ZNF567: variants seen among roughly 807,000 people sequenced by gnomAD.
The protein encoded by ZNF567 is zinc finger protein 567.
Under a neutral mutation model 53.9 loss-of-function variants are expected in ZNF567, and 36 were observed. That is an observed-to-expected ratio of 0.67 (90% CI 0.51 to 0.88). ZNF567 has a LOEUF of 0.88. Ranked by LOEUF, ZNF567 falls within the 40% of genes least tolerant of loss-of-function variation. The pLI is 0.00. For missense variants in ZNF567, 619 were observed against 764.7 expected (o/e 0.81, Z 2.25); for synonymous variants, 224 against 260.4 (o/e 0.86, Z 1.35).
At chr19:36,726,957 T>C (rs1600593679), downstream of ZNF567, 1 of 151,666 alleles carries the variant, frequency 6.6e-6, no homozygotes, top group East Asian at 1.9e-4. Flanking sequence ...TCAGGTGTTT[T>C]GAGTTTCTTT....
In ZNF567 at chr19:36,690,072, G is replaced by A. The variant is rs575365334; in HGVS notation, c.-67+575G>A. Reference sequence around the variant, plus strand: ...TGCTATCTTTGGGATATCAGCTGAGGCTGAGGCAGAAATATTTCTAAGTTT... The same window carrying A: ...TGCTATCTTTGGGATATCAGCTGAGACTGAGGCAGAAATATTTCTAAGTTT... On this transcript the variant is annotated intron_variant, in intron 2 of 5. Transcript: ENST00000682579. 2.6e-5 allele frequency among the ~76,000 whole-genome samples: 4 copies of A among 152,248 alleles called. No individual in the cohort carries two copies. The East Asian group carries it at 7.7e-4, about 29-fold the overall frequency.
chr19:36,694,661 TC>T (rs771536932), intron 2 of ZNF567, 140 bp from the exon 3 acceptor site: 3 of 485,358 alleles, frequency 6.2e-6, no homozygotes, highest in Non-Finnish European at 1.1e-5. Context: ...TAGCTGGTTG[TC>T]CCATCTATAT....
Position 36,721,119 on chromosome 19 carries a change from A to G in ZNF567, c.*451A>G, listed in dbSNP as rs890842933. 1 of 152,246 alleles carries G rather than the reference A, an allele frequency of 6.6e-6. No homozygotes were observed. Among genetic ancestry groups the G allele is most frequent in the Non-Finnish European group, 1.5e-5 (1 of 68,088 alleles). 9.4% of individuals were successfully genotyped at this position (152,246 alleles called of 1,614,324 possible). On this transcript the variant is annotated 3_prime_UTR_variant, in exon 6 of 6. Transcript: ENST00000682579. Reference sequence around the variant, plus strand: ...AGTTTTTGCATGTTTTCAATTTTATAAATATATATTTTATCAGACATCATG... The same window carrying G: ...AGTTTTTGCATGTTTTCAATTTTATGAATATATATTTTATCAGACATCATG...
At chr19:36,666,951 T>G in the ZNF567 span, 1 of 152,458 alleles carries the variant, frequency 6.6e-6, no homozygotes, top group East Asian at 1.9e-4. Context: ...CACCCGAGGC[T>G]GGAGTGACGC....
downstream of ZNF567, among the ~76,000 whole-genome samples, chr19:36,721,735 TTTTTTTTTC>T (rs974704401): frequency 1.0e-5 from 1 of 97,910 alleles, no homozygotes; most frequent in South Asian, 3.1e-4. Flanking sequence ...CCAGAGTCTT[TTTTTTTTTC>T]TTTTTTTTTT....
At position 36,719,495 on chromosome 19, in the gene ZNF567, A is replaced by G; in HGVS notation, c.771A>G (p.Glu257=). The change falls in exon 6 of 6, where the codon GAA becomes GAG. Residue 257 remains glutamate, a synonymous_variant. Coordinates refer to ENST00000682579, the MANE Select transcript of ZNF567 (RefSeq NM_001322917.1). ...TNIEKKHTCN[E]CGKSFCRKSV... ...TTGAAAAAAAACATACATGCAATGA[A>G]TGTGGGAAATCTTTCTGCAGGAAAT... 6.2e-7 allele frequency: 1 copy of G among 1,612,974 alleles called. No homozygotes were observed. Among genetic ancestry groups the G allele is most frequent in the East Asian group, 2.2e-5 (1 of 44,870 alleles).
intron 3 of ZNF567, among the ~76,000 whole-genome samples, chr19:36,707,840 A>C (rs1053447727): frequency 4.6e-5 from 7 of 152,116 alleles, no homozygotes; most frequent in African/African-American, 1.4e-4. Flanking sequence ...AGACCTCCCA[A>C]AGTGCTGGGA....
chr19:36,715,506 AATAATT>A (rs1487518814), intron 5 of ZNF567, among the ~76,000 whole-genome samples: 178 of 25,952 alleles, frequency 6.9e-3, no homozygotes, highest in Admixed American at 0.02. Context: ...TAATAATAAT[AATAATT>A]ATTATTATTA....
chr19:36,677,378 G>A, the ZNF567 span, among the ~76,000 whole-genome samples: 1 of 140,788 alleles, frequency 7.1e-6, no homozygotes, highest in East Asian at 2.3e-4. Context: ...AGAATTGCTT[G>A]AACTTGGGAG....
intron 3 of ZNF567, among the ~76,000 whole-genome samples, chr19:36,699,063 T>C (rs2039039473): frequency 6.6e-6 from 1 of 152,108 alleles, no homozygotes. Flanking sequence ...AGGTCTAACG[T>C]TTAAGTCTTT....
chr19:36,719,831 CTG>C lies in ZNF567; in HGVS notation c.1110_1111del (p.Cys370TrpfsTer20). The C allele has an allele frequency of 6.2e-7, 1 of 1,613,534 alleles. No homozygotes were observed. On this transcript the variant is annotated frameshift_variant, in exon 6 of 6. Transcript: ENST00000682579. LOFTEE classifies it high-confidence loss of function. Reference sequence around the variant, plus strand: ...GAGAGAAACCATATGAGTGTAATGACTGTGGGAAGTCCTTCCGCCAGAAGACA... The same window carrying C: ...GAGAGAAACCATATGAGTGTAATGACTGGGAAGTCCTTCCGCCAGAAGACA... Reference protein sequence around the residue: ...TGEKPYECNDCGKSFRQKTTL... With the variant: ...TGEKPYECNDXGKSFRQKTTL...
rs576669730 is a variant in ZNF567, at chr19:36,718,000, T to A, written c.224-948T>A. 2.6e-5 allele frequency among the ~76,000 whole-genome samples: 4 copies of A among 152,356 alleles called. No homozygotes were observed. In the East Asian group the frequency reaches 7.7e-4, roughly 29 times the overall value. On this transcript the variant is annotated intron_variant, in intron 5 of 5. Transcript: ENST00000682579. The stretch of plus-strand genomic sequence containing the variant: ...CAATTGAATATATTCTGATCTTTTT[T>A]AAAGTTGCTATCGGAAGTATTTTCC...
At chr19:36,724,167 T>G (rs952162558), downstream of ZNF567, among the ~76,000 whole-genome samples, 8 of 151,424 alleles carry the variant, frequency 5.3e-5, no homozygotes, top group African/African-American at 1.9e-4. Context: ...CCCCCATGCC[T>G]GGCTAATTTT....
chr19:36,696,763 T>G (rs545798101), intron 3 of ZNF567, among the ~76,000 whole-genome samples: 2 of 152,218 alleles, frequency 1.3e-5, no homozygotes, highest in African/African-American at 2.4e-5. Context: ...CAATGCTTGC[T>G]TACATATTTT....
intron 3 of ZNF567, among the ~76,000 whole-genome samples, chr19:36,710,937 C>T (rs73929180): frequency 0.013 from 1,964 of 152,186 alleles, 50 homozygotes; most frequent in African/African-American, 0.044. Context: ...TTTTGCTAAG[C>T]CCTCGGTGAT....
At chr19:36,685,810 G>C (rs1267068810), upstream of ZNF567, 1 of 152,176 alleles carries the variant, frequency 6.6e-6, no homozygotes, top group Non-Finnish European at 1.5e-5. Flanking sequence ...ATTATTTGGG[G>C]GGCTTGGCAA....
the ZNF567 span, among the ~76,000 whole-genome samples, chr19:36,675,627 T>C: frequency 6.6e-6 from 1 of 151,952 alleles, no homozygotes; most frequent in East Asian, 1.9e-4. Context: ...GAGCCGAGAT[T>C]GCACCACTTC....
intron 5 of ZNF567, chr19:36,714,546 C>T (rs189934705): frequency 7.5e-6 from 3 of 398,022 alleles, no homozygotes; most frequent in Admixed American, 4.4e-5. Context: ...TCCTTACTTA[C>T]TTAACATTTC....
intron 3 of ZNF567, among the ~76,000 whole-genome samples, chr19:36,703,024 T>C (rs2039290875): frequency 6.6e-6 from 1 of 152,218 alleles, no homozygotes; most frequent in African/African-American, 2.4e-5. Flanking sequence ...TTTCCAGTTT[T>C]TCTGCTCTGT....
Sources: allele counts gnomAD v4.1 joint callset (sites outside exome capture counted in the v4.1 genomes callset), GRCh38; gene constraint gnomAD v4.1.1; transcripts MANE v1.5; gene names NCBI Gene and HGNC (gene_info 2026-07-23, HGNC 2026-07-21).